USP9Y: variants seen among roughly 807,000 people sequenced by gnomAD.
USP9Y encodes the protein ubiquitin carboxyl-terminal hydrolase 9Y.
A neutral mutation model predicts 53.1 loss-of-function variants in USP9Y; 41 were observed. That is an observed-to-expected ratio of 0.77 (90% CI 0.60 to 1.00). The LOEUF is 1.00. USP9Y is among the 50% of genes least tolerant of loss of function. The pLI is 0.00. For missense variants in USP9Y, 567 were observed against 535.8 expected (o/e 1.06, Z -0.58); for synonymous variants, 220 against 173.7 (o/e 1.27, Z -2.09).
intron 30 of USP9Y, 83 bp from the exon 31 acceptor site, chrY:12,812,747 A>G: frequency 4.6e-6 from 1 of 218,470 alleles, no homozygotes; most frequent in Middle Eastern, 9.9e-4. Flanking sequence ...GATAATTACT[A>G]AAGTATTCCC....
At chrY:12,751,270 A>G (rs2053464125) in intron 12 of USP9Y, among the ~76,000 whole-genome samples, 62 of 32,814 alleles carry the variant, frequency 1.9e-3, no homozygotes, top group Non-Finnish European at 4.0e-3. Flanking sequence ...TCAGCCTCCC[A>G]AAGTGCTGGG....
intron 27 of USP9Y, among the ~76,000 whole-genome samples, chrY:12,794,808 G>A: frequency 3.0e-5 from 1 of 33,298 alleles, no homozygotes; most frequent in South Asian, 6.7e-4. Context: ...TATTCCTTTG[G>A]TCTATATGCC....
intron 10 of USP9Y, 75 bp from the exon 11 acceptor site, chrY:12,738,082 G>A: frequency 3.9e-6 from 1 of 254,642 alleles, no homozygotes. Flanking sequence ...TTTAGAAGTT[G>A]GAGACATGTT....
At chrY:12,711,063 T>C (rs2053424465) in intron 3 of USP9Y, among the ~76,000 whole-genome samples, 1 of 32,526 alleles carries the variant, frequency 3.1e-5, no homozygotes, top group Admixed American at 2.8e-4. Context: ...ATCCCTCACA[T>C]TGATTCAGTT....
chrY:12,709,814 A>C, intron 3 of USP9Y, among the ~76,000 whole-genome samples: 1 of 31,963 alleles, frequency 3.1e-5, no homozygotes. Flanking sequence ...GCATGGTAGC[A>C]CATGCAGATA....
chrY:12,842,868 G>A (rs2053563405), intron 38 of USP9Y, among the ~76,000 whole-genome samples, 196 bp from the exon 39 acceptor site: 1 of 32,615 alleles, frequency 3.1e-5, no homozygotes, highest in Non-Finnish European at 7.6e-5. Flanking sequence ...TTGTTTGTTT[G>A]TTTTACAGTT....
Position 12,736,533 on chromosome Y carries a change from C to A in USP9Y, c.1148C>A (p.Thr383Lys). 2.5e-6 allele frequency: 1 copy of A among 397,499 alleles called. No individual in the cohort carries two copies. The highest frequency in any genetic ancestry group is 3.0e-5 in the South Asian group (1 of 33,706). Residue 383 changes from threonine to lysine, a missense_variant, in exon 10 of 46, where the codon ACA (threonine) becomes AAA (lysine). Coordinates refer to ENST00000338981, the MANE Select transcript of USP9Y (RefSeq NM_004654.4). ...HSNPEEEEWLTAERMAEWIQQ... is the reference protein window; with the variant it reads ...HSNPEEEEWLKAERMAEWIQQ... ...AATCCTGAGGAGGAAGAATGGCTGA[C>A]AGCTGAGCGAATGGCAGTAAGCCTC...
At chrY:12,815,527 G>C in intron 31 of USP9Y, among the ~76,000 whole-genome samples, 1 of 33,742 alleles carries the variant, frequency 3.0e-5, no homozygotes, top group African/African-American at 1.2e-4. Context: ...TGCCCGGCTA[G>C]AAGTTTTTAA....
At chrY:12,808,031 T>C in intron 27 of USP9Y, among the ~76,000 whole-genome samples, 1 of 33,965 alleles carries the variant, frequency 2.9e-5, no homozygotes, top group Non-Finnish European at 7.4e-5. Context: ...GCCTGAGGGC[T>C]AACACTTAGA....
intron 12 of USP9Y, among the ~76,000 whole-genome samples, chrY:12,755,297 T>G: frequency 3.3e-5 from 1 of 30,637 alleles, no homozygotes; most frequent in African/African-American, 1.3e-4. Flanking sequence ...ACGAAGCAGC[T>G]GGGATTACAG....
chrY:12,731,635 T>TG (rs2053447169), intron 7 of USP9Y, among the ~76,000 whole-genome samples: 5 of 33,711 alleles, frequency 1.5e-4, no homozygotes, highest in Admixed American at 2.7e-4. Flanking sequence ...GTTTTACAAA[T>TG]GTTTGTATGT....
intron 33 of USP9Y, among the ~76,000 whole-genome samples, chrY:12,830,553 T>TA: frequency 3.0e-5 from 1 of 33,645 alleles, no homozygotes; most frequent in East Asian, 7.6e-4. Context: ...CCTTTCATGA[T>TA]AAAAACATGC....
At chrY:12,784,257 C>T in intron 22 of USP9Y, among the ~76,000 whole-genome samples, 1 of 33,850 alleles carries the variant, frequency 3.0e-5, no homozygotes, top group Admixed American at 2.7e-4. Context: ...AAAGCATCAG[C>T]AGGTGATGTG....
chrY:12,839,857 A>G lies in USP9Y; in HGVS notation c.5338-7A>G. On this transcript the variant is annotated splice_region_variant and splice_polypyrimidine_tract_variant and intron_variant, in intron 35 of 45. Transcript: ENST00000338981. ...GAACATTTGTTTATATTCTCTGTTTATTATAGGTTGACACAGTAAAGCGCC... is the reference window on the plus strand; with the variant it reads ...GAACATTTGTTTATATTCTCTGTTTGTTATAGGTTGACACAGTAAAGCGCC... The G allele has an allele frequency of 2.5e-6, 1 of 396,739 alleles. No individual in the cohort carries two copies. Among genetic ancestry groups the G allele is most frequent in the Non-Finnish European group, 3.5e-6 (1 of 281,809 alleles).
At chrY:12,834,521 TCATC>T (rs2053553568) in intron 34 of USP9Y, among the ~76,000 whole-genome samples, 1 of 33,544 alleles carries the variant, frequency 3.0e-5, no homozygotes. Flanking sequence ...AGGATGTAAA[TCATC>T]CCTTTTTCCA....
chrY:12,833,163 T>A, intron 33 of USP9Y, among the ~76,000 whole-genome samples: 2 of 32,916 alleles, frequency 6.1e-5, no homozygotes, highest in Admixed American at 5.7e-4. Flanking sequence ...TTTGTATACT[T>A]ATCATTGGTA....
chrY:12,735,591 T>C, intron 7 of USP9Y, 21 bp from the exon 8 acceptor site: 1 of 328,022 alleles, frequency 3.0e-6, no homozygotes, highest in Admixed American at 8.3e-5. Flanking sequence ...GAATTAATTT[T>C]TATTATTAAC....
chrY:12,713,600 T>C, intron 3 of USP9Y, among the ~76,000 whole-genome samples: 1 of 32,560 alleles, frequency 3.1e-5, no homozygotes, highest in African/African-American at 1.2e-4. Flanking sequence ...GTAGTTGTTT[T>C]CTCTCAACAC....
chrY:12,776,709 A>G lies in USP9Y; in HGVS notation c.2488A>G (p.Thr830Ala). The G allele has an allele frequency of 2.5e-6, 1 of 397,545 alleles. No homozygotes were observed. Among genetic ancestry groups the G allele is most frequent in the Non-Finnish European group, 3.5e-6 (1 of 282,371 alleles). Residue 830 changes from threonine to alanine, a missense_variant, in exon 19 of 46, where the codon ACA becomes GCA. By Grantham distance (58) the Thr-to-Ala change is moderately conservative (BLOSUM62 0). Transcript: ENST00000338981. ...TGATCGTTTAAAAGCATCATATGATACACTGTGTGTTTTTGATGGTGACAA... is the reference window on the plus strand; with the variant it reads ...TGATCGTTTAAAAGCATCATATGATGCACTGTGTGTTTTTGATGGTGACAA... ...CFDRLKASYD[T>A]LCVFDGDKNS... is the part of the protein sequence containing the mutation.
Sources: allele counts gnomAD v4.1 joint callset (sites outside exome capture counted in the v4.1 genomes callset), GRCh38; gene constraint gnomAD v4.1.1; transcripts MANE v1.5; gene names NCBI Gene and HGNC (gene_info 2026-07-23, HGNC 2026-07-21).